The following TRIO variants were observed in gnomAD, a reference collection of about 807,000 sequenced individuals.
The protein encoded by TRIO is trio Rho guanine nucleotide exchange factor.
A neutral mutation model predicts 351.9 loss-of-function variants in TRIO; 58 were observed. The ratio of observed to expected loss-of-function variants is 0.16; its 90% confidence interval spans 0.13 to 0.21. The LOEUF (loss-of-function observed/expected upper bound fraction) is 0.21. Among genes scored for constraint, TRIO ranks in the 10% least tolerant of loss-of-function variants. The pLI is 1.00. For missense variants in TRIO, 3,201 were observed against 4,027.8 expected, an observed-to-expected ratio of 0.79 and a Z score of 5.56; for synonymous variants, 1,758 against 1,595.7, an observed-to-expected ratio of 1.10 and a Z score of -2.42.
chr5:14,183,885 T>G, intron 1 of TRIO: 1 of 689,942 alleles, frequency 1.4e-6, no homozygotes, highest in Non-Finnish European at 2.7e-6. Context: ...AGTGACTGTT[T>G]TACTTCGATT....
chr5:14,507,389 AGC>A (rs2126720735), intron 56 of TRIO, 129 bp downstream of exon 56: 1 of 1,329,200 alleles, frequency 7.5e-7, no homozygotes, highest in East Asian at 2.5e-5. Context: ...TGGGTGGGGC[AGC>A]GCAGACACTG....
intron 34 of TRIO, among the ~76,000 whole-genome samples, chr5:14,436,789 C>A (rs768243049): frequency 1.3e-5 from 2 of 152,214 alleles, no homozygotes; most frequent in African/African-American, 2.4e-5. Flanking sequence ...GTCTCACATC[C>A]AGGTCACGCT....
intron 1 of TRIO, among the ~76,000 whole-genome samples, chr5:14,269,966 T>G (rs1403210513): frequency 6.6e-6 from 1 of 152,214 alleles, no homozygotes; most frequent in East Asian, 1.9e-4. Flanking sequence ...TGACCTCTGT[T>G]AGAGATCGCC....
At chr5:14,147,553 G>A (rs554909007) in intron 1 of TRIO, among the ~76,000 whole-genome samples, 1 of 152,278 alleles carries the variant, frequency 6.6e-6, no homozygotes, top group East Asian at 1.9e-4. Flanking sequence ...ATAAAGGTTT[G>A]TAGTTATTCT....
intron 1 of TRIO, among the ~76,000 whole-genome samples, chr5:14,146,156 G>C (rs1787510025): frequency 6.6e-6 from 1 of 151,044 alleles, no homozygotes; most frequent in African/African-American, 2.4e-5. Flanking sequence ...GCAGGGGGCA[G>C]AGAGGGGTCA....
At chr5:14,367,218 C>T (rs554897863) in intron 16 of TRIO, among the ~76,000 whole-genome samples, 2 of 152,218 alleles carry the variant, frequency 1.3e-5, no homozygotes, top group South Asian at 4.2e-4. Flanking sequence ...CTGCAAGGAT[C>T]CCAAAGGTCT....
At position 14,482,618 on chromosome 5, in the gene TRIO, G is replaced by A. The variant is rs1382022038; in HGVS notation, c.6502G>A (p.Asp2168Asn). The change falls in exon 46 of 57, where the codon GAC (aspartate) becomes AAC (asparagine). Residue 2168 changes from aspartate (D) to asparagine (N), a missense_variant. Around this residue, in one of 19 missense-constraint regions of TRIO, gnomAD observed 307 missense variants for 396.5 expected, o/e 0.77. Coordinates refer to ENST00000344204, the MANE Select transcript of TRIO (RefSeq NM_007118.4). ...TGCCCAGGGTAAACTGCTCTTGCAGGACACATTCTTGGTCACAGACCAAGA... is the reference window on the plus strand; with the variant it reads ...TGCCCAGGGTAAACTGCTCTTGCAGAACACATTCTTGGTCACAGACCAAGA... ...IVAQGKLLLQ[D>N]TFLVTDQDAG... 6.4e-7 allele frequency: 1 copy of A among 1,562,604 alleles called. No individual in the cohort carries two copies. Among genetic ancestry groups the A allele is most frequent in the East Asian group, 2.4e-5 (1 of 42,490 alleles).
intron 4 of TRIO, 76 bp downstream of exon 4, chr5:14,287,139 A>T (rs1430203713): frequency 2.2e-6 from 3 of 1,373,700 alleles, no homozygotes; most frequent in South Asian, 1.5e-5. Context: ...CTAATGAGAG[A>T]TTTTTTTTTT....
intron 34 of TRIO, among the ~76,000 whole-genome samples, chr5:14,454,314 C>T (rs989203805): frequency 2.6e-5 from 4 of 152,166 alleles, no homozygotes; most frequent in Admixed American, 2.0e-4. Context: ...GCAGTGTTCA[C>T]GTACACTTAG....
In TRIO at chr5:14,430,683, C is replaced by CGTTTTATTTTATTTT. The variant is rs1241037634; in HGVS notation, c.5203+10663_5203+10677dup. On this transcript the variant is annotated intron_variant, in intron 34 of 56. Transcript: ENST00000344204. ...ACCACAAACATTTCACAGTGAATTTCGTTTTATTTTATTTTATTTTATTTT... is the reference window on the plus strand; with the variant it reads ...ACCACAAACATTTCACAGTGAATTTCGTTTTATTTTATTTTGTTTTATTTTATTTTATTTTATTTT... Among the ~76,000 whole-genome samples, 327 of 95,512 alleles carry CGTTTTATTTTATTTT rather than the reference C, an allele frequency of 3.4e-3. 2 individuals are homozygous for CGTTTTATTTTATTTT. Among genetic ancestry groups the CGTTTTATTTTATTTT allele is most frequent in the East Asian group, 0.025 (45 of 1,790 alleles). 62.7% of individuals were successfully genotyped at this position (95,512 alleles called of 152,430 possible). A position where few individuals can be genotyped will look rare whatever the true frequency, so the allele number is the denominator to read the frequency against.
Position 14,509,351 on chromosome 5 carries a change from A to G in TRIO, c.*929A>G, listed in dbSNP as rs548881844. The G allele has an allele frequency of 2.3e-6, 1 of 434,600 alleles. No homozygotes were observed. The highest frequency in any genetic ancestry group is 4.5e-6 in the Non-Finnish European group (1 of 220,950). The allele number at this position is 434,600 out of a possible 1,614,324, so 26.9% of individuals were successfully genotyped here. A position where few individuals can be genotyped will look rare whatever the true frequency, so the allele number is the denominator to read the frequency against. On this transcript the variant is annotated 3_prime_UTR_variant, in exon 57 of 57. Coordinates refer to ENST00000344204, the MANE Select transcript of TRIO (RefSeq NM_007118.4). ...TGTAATAAATATATAGAAAAAGCACATACTTCGTATGGTGAGCTTTATGGT... is the reference window on the plus strand; with the variant it reads ...TGTAATAAATATATAGAAAAAGCACGTACTTCGTATGGTGAGCTTTATGGT...
chr5:14,178,090 A>G (rs1211704617), intron 1 of TRIO, among the ~76,000 whole-genome samples: 1 of 152,140 alleles, frequency 6.6e-6, no homozygotes, highest in Non-Finnish European at 1.5e-5. Flanking sequence ...TTTGTGGAGT[A>G]ATTCATTTTG....
intron 34 of TRIO, among the ~76,000 whole-genome samples, chr5:14,459,401 C>T (rs1034818427): frequency 1.3e-5 from 2 of 152,176 alleles, no homozygotes; most frequent in African/African-American, 4.8e-5. Context: ...CCATTGTCAC[C>T]GTTCTGCTTT....
chr5:14,433,328 A>C (rs1228475690), intron 34 of TRIO, among the ~76,000 whole-genome samples: 10 of 152,202 alleles, frequency 6.6e-5, no homozygotes. Flanking sequence ...TCCTGTGCTG[A>C]ATGGAGCCCT....
At chr5:14,252,086 G>A (rs781604585) in intron 1 of TRIO, among the ~76,000 whole-genome samples, 2 of 152,078 alleles carry the variant, frequency 1.3e-5, no homozygotes, top group Admixed American at 1.3e-4. Context: ...GAAGGAAAAG[G>A]TTACTTTCTT....
intron 54 of TRIO, among the ~76,000 whole-genome samples, chr5:14,503,294 C>T (rs1417264617): frequency 6.6e-6 from 1 of 152,248 alleles, no homozygotes; most frequent in Admixed American, 6.5e-5. Context: ...AAACTCCAGC[C>T]AGCAGCACCC....
intron 1 of TRIO, among the ~76,000 whole-genome samples, chr5:14,177,338 A>G (rs929696751): frequency 8.5e-5 from 13 of 152,140 alleles, no homozygotes; most frequent in African/African-American, 3.1e-4. Context: ...GATGTTATGA[A>G]AATCTTCTTA....
chr5:14,289,077 A>G (rs998427666), intron 4 of TRIO, among the ~76,000 whole-genome samples: 2 of 151,928 alleles, frequency 1.3e-5, no homozygotes, highest in African/African-American at 4.8e-5. Context: ...GCCTGTCTCT[A>G]TATTTTGTTT....
Position 14,508,337 on chromosome 5 carries a change from T to C in TRIO, c.9209T>C (p.Ile3070Thr), listed in dbSNP as rs1561577685. 2.5e-6 allele frequency: 4 copies of C among 1,614,064 alleles called. No homozygotes were observed. The highest frequency in any genetic ancestry group is 2.2e-5 in the South Asian group (2 of 91,086). The change falls in exon 57 of 57, where the codon ATT becomes ACT. Residue 3070 changes from isoleucine to threonine, a missense_variant. Ile to Thr is a moderately conservative substitution (Grantham distance 89, BLOSUM62 -1). This residue lies in a region of TRIO where 233 missense variants were observed against 292.6 expected (regional missense o/e 0.80). Transcript: ENST00000344204. ...GACACGTCCAGACTGACTTCCTTCA[T>C]TGAGCGGCGCAAACACCAGAATGAT... ...VLDTSRLTSFIERRKHQNDVR... is the reference protein window; with the variant it reads ...VLDTSRLTSFTERRKHQNDVR...
Sources: allele counts gnomAD v4.1 joint callset (sites outside exome capture counted in the v4.1 genomes callset), GRCh38; gene constraint gnomAD v4.1.1; regional missense constraint gnomAD v4.1.1; transcripts MANE v1.5; gene names NCBI Gene and HGNC (gene_info 2026-07-23, HGNC 2026-07-21).